CLCN5: variants seen among roughly 807,000 people sequenced by gnomAD.
CLCN5 encodes the protein Cl-/H+ antiporter 5, also known as H(+)/Cl(-) exchange transporter 5.
A neutral mutation model predicts 54.0 loss-of-function variants in CLCN5; 17 were observed. The observed-to-expected ratio is 0.31, with a 90% CI of 0.22 to 0.47. CLCN5 has a LOEUF of 0.47. CLCN5 is among the 20% of genes least tolerant of loss of function. The pLI is 1.00. For synonymous variants in CLCN5, 222 were observed against 233.0 expected (o/e 0.95, Z 0.43); for missense variants, 448 against 646.7 (o/e 0.69, Z 3.33).
chrX:49,942,477 A>G (rs888744756), intron 3 of CLCN5, among the ~76,000 whole-genome samples: 1 of 108,988 alleles, frequency 9.2e-6, no homozygotes, highest in East Asian at 2.9e-4. Context: ...ATATGTATAC[A>G]TGTGCCATGT....
At chrX:50,005,996 C>T (rs1341564829) in intron 3 of CLCN5, among the ~76,000 whole-genome samples, 1 of 112,064 alleles carries the variant, frequency 8.9e-6, no homozygotes, top group African/African-American at 3.3e-5. Context: ...CATTATACTT[C>T]TGATTCAAAA....
chrX:49,927,789 A>T (rs782281471), intron 3 of CLCN5, among the ~76,000 whole-genome samples: 7 of 112,538 alleles, frequency 6.2e-5, no homozygotes, highest in African/African-American at 2.3e-4. Flanking sequence ...GATAAAAAAC[A>T]TGTGTTACAT....
At chrX:50,070,736 T>C (rs906758229) in intron 5 of CLCN5, among the ~76,000 whole-genome samples, 1 of 111,976 alleles carries the variant, frequency 8.9e-6, no homozygotes, top group East Asian at 2.8e-4. Context: ...CTTATGGCTA[T>C]GGCACAGGTT....
intron 3 of CLCN5, among the ~76,000 whole-genome samples, chrX:50,039,415 C>G (rs1557186874): frequency 2.7e-5 from 3 of 111,655 alleles, no homozygotes. Flanking sequence ...TGAAATAGGC[C>G]CTTATATTGG....
chrX:50,065,091 A>T (rs1353899159), intron 4 of CLCN5, among the ~76,000 whole-genome samples: 1 of 101,029 alleles, frequency 9.9e-6, no homozygotes, highest in African/African-American at 3.7e-5. Context: ...CATTCAGGAC[A>T]TAGGCATGGG....
chrX:49,934,548 C>G (rs782015723), intron 3 of CLCN5, among the ~76,000 whole-genome samples: 1 of 111,450 alleles, frequency 9.0e-6, no homozygotes, highest in Non-Finnish European at 1.9e-5. Context: ...TTAGTAATGT[C>G]ATATTTTGAT....
intron 3 of CLCN5, among the ~76,000 whole-genome samples, chrX:50,037,019 T>A (rs183472519): frequency 2.8e-4 from 31 of 112,269 alleles, no homozygotes; most frequent in African/African-American, 8.4e-4. Flanking sequence ...AGACAAACAT[T>A]AACCATAAAT....
chrX:50,067,620 G>T, intron 4 of CLCN5: 1 of 753,340 alleles, frequency 1.3e-6, no homozygotes, highest in East Asian at 1.5e-4. Context: ...GCTGTGAAAG[G>T]CAGAGAATGC....
intron 9 of CLCN5, chrX:50,085,483 G>C (rs781873554): frequency 2.7e-5 from 5 of 185,325 alleles, no homozygotes; most frequent in Non-Finnish European, 5.0e-5. Flanking sequence ...CACAGGGTAC[G>C]AGAGACTCTA....
At chrX:50,057,020 A>C (rs1557189047) in intron 4 of CLCN5, among the ~76,000 whole-genome samples, 1 of 111,385 alleles carries the variant, frequency 9.0e-6, no homozygotes, top group Non-Finnish European at 1.9e-5. Context: ...TCAAGTTTTA[A>C]CCTGCTGTGA....
intron 2 of CLCN5, among the ~76,000 whole-genome samples, chrX:49,923,895 T>G (rs913757261): frequency 7.1e-5 from 8 of 112,809 alleles, no homozygotes; most frequent in South Asian, 3.6e-4. Flanking sequence ...CTTCAGTGTT[T>G]GTGCTTTAGC....
At chrX:50,066,129 T>A (rs1427900394) in intron 4 of CLCN5, among the ~76,000 whole-genome samples, 1 of 98,478 alleles carries the variant, frequency 1.0e-5, no homozygotes, top group African/African-American at 4.0e-5. Context: ...AACCTGCACA[T>A]TGTGCACATG....
At chrX:49,938,098 T>G (rs1347483627) in intron 3 of CLCN5, among the ~76,000 whole-genome samples, 2 of 111,322 alleles carry the variant, frequency 1.8e-5, no homozygotes, top group Non-Finnish European at 3.8e-5. Context: ...GTCACTATCC[T>G]GTGTTAAGTG....
intron 3 of CLCN5, among the ~76,000 whole-genome samples, chrX:50,021,271 CTGTT>C (rs1931087258): frequency 1.1e-5 from 1 of 90,444 alleles, no homozygotes; most frequent in East Asian, 3.3e-4. Context: ...ATTTGGCTCT[CTGTT>C]TGTCTGTTGT....
At chrX:49,957,131 T>C (rs1859273054) in intron 3 of CLCN5, among the ~76,000 whole-genome samples, 1 of 111,531 alleles carries the variant, frequency 9.0e-6, no homozygotes, top group Admixed American at 9.5e-5. Flanking sequence ...AAACCCCATC[T>C]CTACTAAAAA....
At chrX:49,956,952 T>C (rs1282710018) in intron 3 of CLCN5, among the ~76,000 whole-genome samples, 1 of 111,668 alleles carries the variant, frequency 9.0e-6, no homozygotes, top group African/African-American at 3.3e-5. Context: ...GCAATTGAGC[T>C]AGTACAGAGC....
chrX:49,988,882 G>A (rs1213662173), intron 3 of CLCN5, among the ~76,000 whole-genome samples: 1 of 110,241 alleles, frequency 9.1e-6, no homozygotes, highest in African/African-American at 3.3e-5. Flanking sequence ...TTTGCCGCCT[G>A]TTCGTTCACA....
At position 49,956,186 on chromosome X, in the gene CLCN5, T is replaced by C. The variant is rs1489084041; in HGVS notation, c.16+30872T>C. Among the ~76,000 whole-genome samples, 7 of 111,779 alleles carry C rather than the reference T, an allele frequency of 6.3e-5. No homozygotes were observed. The Admixed American group carries it at 6.7e-4, about 11-fold the overall frequency. On this transcript the variant is annotated intron_variant, in intron 3 of 14. Transcript: ENST00000376091. The stretch of plus-strand genomic sequence containing the variant: ...TCTTCCAAGATTCTTAAAATCCTAT[T>C]GTCTTACCTTTGATCTAGTGCAGCC...
chrX:49,943,777 C>G (rs1177355318), intron 3 of CLCN5, among the ~76,000 whole-genome samples: 1 of 111,590 alleles, frequency 9.0e-6, no homozygotes, highest in African/African-American at 3.3e-5. Flanking sequence ...TGTTTTGGTA[C>G]CAGTACCATA....
Sources: gnomAD v4.1 joint callset for allele counts (sites outside exome capture counted in the v4.1 genomes callset) on GRCh38, gnomAD v4.1.1 for gene constraint, MANE v1.5 for transcripts, NCBI Gene and HGNC (gene_info 2026-07-23, HGNC 2026-07-21) for gene names.